The following STX8 variants were observed in gnomAD, a reference collection of about 807,000 sequenced individuals.
STX8 encodes syntaxin 8, also known as syntaxin-8.
STX8 carries 23 observed loss-of-function variants against 37.5 expected under a neutral mutation model. That is an observed-to-expected ratio of 0.61 (90% CI 0.44 to 0.87). The LOEUF is 0.87. Among genes scored for constraint, STX8 ranks in the 40% least tolerant of loss-of-function variants. STX8 has a pLI of 0.00. For synonymous variants in STX8, 115 were observed against 99.1 expected (o/e 1.16, Z -0.95); for missense variants, 313 against 284.7 (o/e 1.10, Z -0.71).
chr17:9,546,222 A>C (rs1309140836), intron 3 of STX8, among the ~76,000 whole-genome samples: 1 of 152,240 alleles, frequency 6.6e-6, no homozygotes, highest in East Asian at 1.9e-4. Context: ...TAATGTGTGA[A>C]TCTAGCAAAC....
At chr17:9,425,216 C>T (rs1266524328) in intron 6 of STX8, among the ~76,000 whole-genome samples, 1 of 152,142 alleles carries the variant, frequency 6.6e-6, no homozygotes, top group Non-Finnish European at 1.5e-5. Context: ...CATTATATCA[C>T]CCAACACTGT....
intron 6 of STX8, among the ~76,000 whole-genome samples, chr17:9,462,212 TCTCA>T (rs774726559): frequency 1.3e-5 from 2 of 152,100 alleles, no homozygotes; most frequent in African/African-American, 2.4e-5. Flanking sequence ...CAAATAAGTC[TCTCA>T]CTAAGTCACA....
intron 7 of STX8, among the ~76,000 whole-genome samples, chr17:9,358,634 A>G (rs1003641843): frequency 1.3e-5 from 2 of 152,232 alleles, no homozygotes; most frequent in Non-Finnish European, 2.9e-5. Flanking sequence ...TGAGGAGAGA[A>G]AGCGGCTGGT....
intron 7 of STX8, among the ~76,000 whole-genome samples, chr17:9,336,584 C>G (rs573696377): frequency 8.2e-4 from 125 of 152,092 alleles, no homozygotes; most frequent in African/African-American, 2.9e-3. Flanking sequence ...TGCAGGCGCC[C>G]GCCAACACGT....
At chr17:9,355,526 G>A (rs12943577) in intron 7 of STX8, among the ~76,000 whole-genome samples, 14,405 of 142,604 alleles carry the variant, frequency 0.1, 776 homozygotes, top group Middle Eastern at 0.18. Context: ...TTTTTGAGAC[G>A]GAGTCTCATT....
chr17:9,419,232 T>C (rs1162770439), intron 6 of STX8, among the ~76,000 whole-genome samples: 1 of 151,850 alleles, frequency 6.6e-6, no homozygotes, highest in Non-Finnish European at 1.5e-5. Context: ...CAGTTCGTTA[T>C]TTTATTTAAA....
intron 7 of STX8, among the ~76,000 whole-genome samples, chr17:9,305,847 C>T (rs927719504): frequency 3.1e-4 from 45 of 146,980 alleles, no homozygotes; most frequent in African/African-American, 1.0e-3. Flanking sequence ...CAGGTTCAAG[C>T]GATTCTCCTG....
intron 6 of STX8, among the ~76,000 whole-genome samples, chr17:9,391,206 C>T (rs553191806): frequency 6.6e-6 from 1 of 152,074 alleles, no homozygotes; most frequent in African/African-American, 2.4e-5. Flanking sequence ...GTAATCTCAG[C>T]ACTTTGGGTG....
Position 9,276,718 on chromosome 17 carries a change from C to T in STX8, c.644-26073G>A, listed in dbSNP as rs1034275451. ...TGGCACGATCTCAGCTCACTGCAAC[C>T]TCTACCTCCTGGATTCAAGCCATTC... On this transcript the variant is annotated intron_variant, in intron 7 of 7. Coordinates refer to ENST00000306357, the MANE Select transcript of STX8 (RefSeq NM_004853.3). Among the ~76,000 whole-genome samples, 42 of 150,882 alleles carry T rather than the reference C, an allele frequency of 2.8e-4. 1 individual carries two copies. Among genetic ancestry groups the T allele is most frequent in the African/African-American group, 8.6e-4 (35 of 40,836 alleles).
intron 7 of STX8, among the ~76,000 whole-genome samples, chr17:9,349,413 T>A (rs973587843): frequency 2.1e-5 from 3 of 145,322 alleles, no homozygotes; most frequent in African/African-American, 7.7e-5. Context: ...CTCCGCCTCC[T>A]GGGTTCAAGT....
At chr17:9,446,895 G>A (rs1567564539) in intron 6 of STX8, among the ~76,000 whole-genome samples, 1 of 152,136 alleles carries the variant, frequency 6.6e-6, no homozygotes, top group Non-Finnish European at 1.5e-5. Flanking sequence ...CACCTGTATT[G>A]CACTATTTGT....
chr17:9,506,852 C>A (rs1476242812), intron 4 of STX8, among the ~76,000 whole-genome samples: 3 of 152,074 alleles, frequency 2.0e-5, no homozygotes, highest in African/African-American at 7.2e-5. Flanking sequence ...CTTTAGACCA[C>A]AGCTCCCTCT....
At chr17:9,574,098 C>G (rs1022813660) in intron 1 of STX8, among the ~76,000 whole-genome samples, 25 of 151,946 alleles carry the variant, frequency 1.6e-4, no homozygotes, top group African/African-American at 5.8e-4. Context: ...CGGTAAAACC[C>G]TGTCTCTACT....
intron 7 of STX8, among the ~76,000 whole-genome samples, chr17:9,303,268 C>T (rs1313925838): frequency 6.6e-6 from 1 of 152,086 alleles, no homozygotes; most frequent in Admixed American, 6.5e-5. Context: ...TCCGGCCTGG[C>T]GACAGAGCGA....
chr17:9,276,789 C>T (rs891047008), intron 7 of STX8, among the ~76,000 whole-genome samples: 3 of 151,732 alleles, frequency 2.0e-5, no homozygotes, highest in Non-Finnish European at 2.9e-5. Flanking sequence ...GTGCCCACCA[C>T]CACGCTCGGC....
chr17:9,444,525 C>T (rs1821448674), intron 6 of STX8, among the ~76,000 whole-genome samples: 1 of 152,136 alleles, frequency 6.6e-6, no homozygotes, highest in Non-Finnish European at 1.5e-5. Flanking sequence ...TAGCATTTTC[C>T]ATAGCAGTAA....
At chr17:9,270,187 T>C (rs953778137) in intron 7 of STX8, among the ~76,000 whole-genome samples, 5 of 152,228 alleles carry the variant, frequency 3.3e-5, no homozygotes, top group African/African-American at 4.8e-5. Context: ...TAGCTTAGAC[T>C]CAAATATCTT....
intron 6 of STX8, among the ~76,000 whole-genome samples, chr17:9,424,823 A>G (rs1483783134): frequency 1.3e-5 from 2 of 152,226 alleles, no homozygotes; most frequent in African/African-American, 2.4e-5. Context: ...AGCACTTTGT[A>G]TATCTTCCGA....
chr17:9,252,443 CA>C (rs763729858), intron 7 of STX8, among the ~76,000 whole-genome samples: 5,603 of 125,422 alleles, frequency 0.045, 121 homozygotes, highest in African/African-American at 0.087. Context: ...GACTCTGTCT[CA>C]AAAAAAAAAA....
Sources: gnomAD v4.1 joint callset for allele counts (sites outside exome capture counted in the v4.1 genomes callset) on GRCh38, gnomAD v4.1.1 for gene constraint, MANE v1.5 for transcripts, NCBI Gene and HGNC (gene_info 2026-07-23, HGNC 2026-07-21) for gene names.